The following IMMP2L variants were observed in gnomAD, a reference collection of about 807,000 sequenced individuals.
IMMP2L encodes the protein mitochondrial inner membrane protease subunit 2.
A neutral mutation model predicts 19.3 loss-of-function variants in IMMP2L; 18 were observed. That is an observed-to-expected ratio of 0.93 (90% CI 0.64 to 1.38). IMMP2L has a LOEUF of 1.38. IMMP2L is among the 40% of genes most tolerant of loss of function. IMMP2L has a pLI of 0.00. For missense variants in IMMP2L, 233 were observed against 218.2 expected (o/e 1.07, Z -0.43); for synonymous variants, 76 against 73.0 (o/e 1.04, Z -0.21).
intron 5 of IMMP2L, among the ~76,000 whole-genome samples, chr7:110,740,464 C>A (rs2130864062): frequency 6.6e-6 from 1 of 152,056 alleles, no homozygotes; most frequent in East Asian, 1.9e-4. Context: ...ACTAGAAAAC[C>A]TAGAGGAGAC....
chr7:111,358,683 T>G (rs1282749370), intron 3 of IMMP2L, among the ~76,000 whole-genome samples: 2 of 152,042 alleles, frequency 1.3e-5, no homozygotes, highest in Non-Finnish European at 2.9e-5. Context: ...ATTTCTATAG[T>G]TTTTGCACTA....
chr7:111,030,893 TA>T (rs1790725552), intron 3 of IMMP2L, among the ~76,000 whole-genome samples: 1 of 9,906 alleles, frequency 1.0e-4, no homozygotes, highest in South Asian at 1.3e-3. Flanking sequence ...TGTATATATA[TA>T]TATATATATA....
chr7:110,677,412 C>T (rs1299209792), intron 5 of IMMP2L, among the ~76,000 whole-genome samples: 1 of 152,058 alleles, frequency 6.6e-6, no homozygotes, highest in Non-Finnish European at 1.5e-5. Flanking sequence ...AATTTTTTCA[C>T]CAACATTTTT....
chr7:111,368,497 G>A (rs779247669), intron 3 of IMMP2L, among the ~76,000 whole-genome samples: 1 of 151,914 alleles, frequency 6.6e-6, no homozygotes, highest in Non-Finnish European at 1.5e-5. Context: ...ATTTACGCCA[G>A]CAACACAGCC....
intron 3 of IMMP2L, among the ~76,000 whole-genome samples, chr7:111,461,369 A>T (rs952262446): frequency 6.6e-6 from 1 of 152,040 alleles, no homozygotes; most frequent in African/African-American, 2.4e-5. Flanking sequence ...CAAAAAATTA[A>T]AAGCAAAAAA....
chr7:110,958,244 G>A (rs2129554962), intron 4 of IMMP2L, among the ~76,000 whole-genome samples: 1 of 152,044 alleles, frequency 6.6e-6, no homozygotes, highest in African/African-American at 2.4e-5. Flanking sequence ...CTCTTGAGAG[G>A]AAAATTTGGC....
chr7:111,132,393 T>C (rs1294291288), intron 3 of IMMP2L, among the ~76,000 whole-genome samples: 1 of 151,982 alleles, frequency 6.6e-6, no homozygotes, highest in African/African-American at 2.4e-5. Flanking sequence ...AACTCTCCGA[T>C]TACACTTATC....
In IMMP2L at chr7:111,550,781, A is replaced by G. The variant is rs552398812; in HGVS notation, c.-3+11070T>C. Reference sequence around the variant, plus strand: ...ATTTACACACACATTGCTCCTCATAACATCTGCTCTGCCCACTGTAGCCTG... The same window carrying G: ...ATTTACACACACATTGCTCCTCATAGCATCTGCTCTGCCCACTGTAGCCTG... On this transcript the variant is annotated intron_variant, in intron 1 of 5. Transcript: ENST00000405709. 2.6e-5 allele frequency among the ~76,000 whole-genome samples: 4 copies of G among 152,242 alleles called. No homozygotes were observed. In the South Asian group the frequency reaches 8.3e-4, roughly 32 times the overall value.
chr7:111,396,974 G>C lies in IMMP2L; in HGVS notation c.239+90264C>G, dbSNP rs1000190264. Among the ~76,000 whole-genome samples the C allele has an allele frequency of 2.0e-5, 3 of 151,972 alleles. No homozygotes were observed. The South Asian group carries it at 6.2e-4, about 32-fold the overall frequency. Reference sequence around the variant, plus strand: ...ATCGTGGCAGGCGCCTGTAATCCCAGCTACTCAGGAGGCTGACGCAGGAGA... The same window carrying C: ...ATCGTGGCAGGCGCCTGTAATCCCACCTACTCAGGAGGCTGACGCAGGAGA... On this transcript the variant is annotated intron_variant, in intron 3 of 5. Coordinates refer to ENST00000405709, the MANE Select transcript of IMMP2L (RefSeq NM_032549.4).
intron 5 of IMMP2L, among the ~76,000 whole-genome samples, chr7:110,809,851 T>C (rs1342546433): frequency 6.6e-6 from 1 of 151,932 alleles, no homozygotes; most frequent in Non-Finnish European, 1.5e-5. Flanking sequence ...AAACCGAAAA[T>C]AATCTAAGAA....
intron 5 of IMMP2L, among the ~76,000 whole-genome samples, chr7:110,781,639 G>C (rs1053339569): frequency 5.9e-5 from 9 of 151,686 alleles, no homozygotes; most frequent in Admixed American, 5.9e-4. Context: ...CCTACGTTCA[G>C]ATATAATTTA....
chr7:111,381,101 T>A (rs1410675417), intron 3 of IMMP2L, among the ~76,000 whole-genome samples: 2 of 152,004 alleles, frequency 1.3e-5, no homozygotes, highest in Non-Finnish European at 2.9e-5. Flanking sequence ...CGAACTGTTG[T>A]AGCTGATTAA....
At chr7:111,104,080 C>T (rs532586871) in intron 3 of IMMP2L, among the ~76,000 whole-genome samples, 20 of 151,756 alleles carry the variant, frequency 1.3e-4, no homozygotes, top group Non-Finnish European at 2.5e-4. Context: ...CCCAGCATAA[C>T]AACTCTTCAT....
chr7:110,859,430 T>C (rs960873212), intron 5 of IMMP2L, among the ~76,000 whole-genome samples: 3 of 151,914 alleles, frequency 2.0e-5, no homozygotes, highest in Non-Finnish European at 4.4e-5. Context: ...AGTACAAATA[T>C]TGATTTTTTG....
intron 5 of IMMP2L, among the ~76,000 whole-genome samples, chr7:110,738,690 C>G (rs1796801083): frequency 6.6e-6 from 1 of 152,168 alleles, no homozygotes; most frequent in Non-Finnish European, 1.5e-5. Context: ...TGCTAGAGAT[C>G]TAGACATCCA....
chr7:111,367,375 T>C (rs1195286551), intron 3 of IMMP2L, among the ~76,000 whole-genome samples: 2 of 151,940 alleles, frequency 1.3e-5, no homozygotes, highest in Admixed American at 6.6e-5. Context: ...TAATTTGTTT[T>C]TATTCCTACT....
intron 3 of IMMP2L, among the ~76,000 whole-genome samples, chr7:111,324,408 A>C (rs1468206542): frequency 6.6e-6 from 1 of 152,006 alleles, no homozygotes; most frequent in Non-Finnish European, 1.5e-5. Context: ...ATAGAGAGAG[A>C]ATGCATTAAG....
chr7:111,104,555 G>A (rs925579785), intron 3 of IMMP2L, among the ~76,000 whole-genome samples: 3 of 151,552 alleles, frequency 2.0e-5, no homozygotes, highest in African/African-American at 7.3e-5. Flanking sequence ...ACTTAGTATG[G>A]TTGCCAGCAA....
At chr7:110,977,752 C>T (rs948414424) in intron 3 of IMMP2L, among the ~76,000 whole-genome samples, 2 of 151,618 alleles carry the variant, frequency 1.3e-5, no homozygotes, top group Admixed American at 1.3e-4. Flanking sequence ...TTTCCTGCTA[C>T]CTTTCTTCTT....
Sources: allele counts gnomAD v4.1 joint callset (sites outside exome capture counted in the v4.1 genomes callset), GRCh38; gene constraint gnomAD v4.1.1; transcripts MANE v1.5; gene names NCBI Gene and HGNC (gene_info 2026-07-23, HGNC 2026-07-21).